SUDS3: variants seen among roughly 807,000 people sequenced by gnomAD.
The protein encoded by SUDS3 is SIN3A corepressor complex component SDS3, also known as sin3 histone deacetylase corepressor complex component SDS3.
SUDS3 carries 23 observed loss-of-function variants against 53.5 expected under a neutral mutation model. The observed-to-expected ratio is 0.43, with a 90% CI of 0.31 to 0.61. SUDS3 has a LOEUF of 0.61. SUDS3 is among the 20% of genes least tolerant of loss of function. SUDS3 has a pLI of 0.10. For synonymous variants in SUDS3, 150 were observed against 148.5 expected, an observed-to-expected ratio of 1.01 and a Z score of -0.08; for missense variants, 291 against 405.9, an observed-to-expected ratio of 0.72 and a Z score of 2.43.
At position 118,376,846 on chromosome 12, in the gene SUDS3, G is replaced by C. The variant is rs758337554; in HGVS notation, c.142+13G>C. On this transcript the variant is annotated intron_variant, in intron 1 of 11. Transcript: ENST00000543473. ...GAGTCGGACGAAGGTGAGTCCTGCC[G>C]CTCGCCCGGCCGCCCGGAGCGGAGG... The C allele has an allele frequency of 1.8e-5, 28 of 1,520,390 alleles. No individual in the cohort carries two copies. The highest frequency in any genetic ancestry group is 4.1e-5 in the Admixed American group (2 of 49,166). The allele number at this position is 1,520,390 out of a possible 1,614,324, so 94.2% of individuals were successfully genotyped here. A position where few individuals can be genotyped will look rare whatever the true frequency, so the allele number is the denominator to read the frequency against.
intron 6 of SUDS3, among the ~76,000 whole-genome samples, 166 bp from the exon 7 acceptor site, chr12:118,400,493 T>A (rs2046254268): frequency 6.6e-6 from 1 of 152,142 alleles, no homozygotes; most frequent in Non-Finnish European, 1.5e-5. Flanking sequence ...TATAAACGCT[T>A]TCTAAAATCT....
intron 2 of SUDS3, among the ~76,000 whole-genome samples, chr12:118,380,595 A>G (rs578071175): frequency 6.6e-6 from 1 of 152,262 alleles, no homozygotes; most frequent in Non-Finnish European, 1.5e-5. Flanking sequence ...AATTACATTT[A>G]ATCAGTCTTC....
chr12:118,377,604 C>G (rs523011), intron 1 of SUDS3, among the ~76,000 whole-genome samples: 62,810 of 150,630 alleles, frequency 0.42, 13,804 homozygotes, highest in Admixed American at 0.48. Context: ...GCTCTTTGCA[C>G]TGTCATCACA....
chr12:118,388,118 T>C (rs1003980225), intron 4 of SUDS3, among the ~76,000 whole-genome samples: 2 of 152,246 alleles, frequency 1.3e-5, no homozygotes, highest in Admixed American at 1.3e-4. Context: ...GAAGCTGTTA[T>C]AGGAATGATC....
chr12:118,409,429 G>A (rs1414039911), intron 10 of SUDS3, among the ~76,000 whole-genome samples: 1 of 152,232 alleles, frequency 6.6e-6, no homozygotes, highest in East Asian at 1.9e-4. Context: ...ACAGGCGTGA[G>A]CCACCACGCC....
At chr12:118,391,354 T>G (rs2046166592) in intron 6 of SUDS3, 72 bp downstream of exon 6, 1 of 1,510,204 alleles carries the variant, frequency 6.6e-7, no homozygotes, top group Non-Finnish European at 8.9e-7. Flanking sequence ...TCCAGTTACT[T>G]TTGTCTTACA....
intron 2 of SUDS3, among the ~76,000 whole-genome samples, chr12:118,383,750 C>T (rs1459653408): frequency 3.3e-5 from 5 of 152,172 alleles, no homozygotes; most frequent in African/African-American, 7.2e-5. Flanking sequence ...AAGTTTTAGA[C>T]GGATTCTGTA....
At chr12:118,395,890 A>G (rs1233157030) in intron 6 of SUDS3, among the ~76,000 whole-genome samples, 2 of 151,780 alleles carry the variant, frequency 1.3e-5, no homozygotes, top group African/African-American at 4.8e-5. Flanking sequence ...ACGGGGTTTC[A>G]CCTTGTTGGC....
intron 10 of SUDS3, among the ~76,000 whole-genome samples, chr12:118,405,919 G>A (rs2046304830): frequency 6.6e-6 from 1 of 152,184 alleles, no homozygotes; most frequent in African/African-American, 2.4e-5. Context: ...TTTTGGTGCA[G>A]CCGTATTTTT....
At chr12:118,395,728 GT>G (rs1202696564) in intron 6 of SUDS3, among the ~76,000 whole-genome samples, 1 of 152,032 alleles carries the variant, frequency 6.6e-6, no homozygotes, top group African/African-American at 2.4e-5. Context: ...GTCTAGCTCT[GT>G]CACCCAGGCT....
chr12:118,387,091 A>C (rs1453649010), intron 4 of SUDS3, among the ~76,000 whole-genome samples: 1 of 152,166 alleles, frequency 6.6e-6, no homozygotes, highest in Non-Finnish European at 1.5e-5. Flanking sequence ...CCTCAGTGAG[A>C]AGCTGCCCAG....
At chr12:118,387,942 A>T (rs983491246) in intron 4 of SUDS3, among the ~76,000 whole-genome samples, 3 of 152,224 alleles carry the variant, frequency 2.0e-5, no homozygotes, top group Admixed American at 6.5e-5. Context: ...TAAAAAGCAC[A>T]TTCTTTTCAG....
intron 2 of SUDS3, among the ~76,000 whole-genome samples, chr12:118,380,670 G>A (rs2046049225): frequency 6.6e-6 from 1 of 152,176 alleles, no homozygotes; most frequent in Non-Finnish European, 1.5e-5. Context: ...CCAGGGGAGG[G>A]AATGAGGCCG....
chr12:118,403,617 A>T, intron 10 of SUDS3, 100 bp downstream of exon 10: 1 of 902,498 alleles, frequency 1.1e-6, no homozygotes, highest in Non-Finnish European at 1.8e-6. Flanking sequence ...GCTGCTGCTA[A>T]ACTTACATAG....
In SUDS3 at chr12:118,410,584, A is replaced by T. The variant is rs201420340; in HGVS notation, c.804-489A>T. 7.1e-3 allele frequency among the ~76,000 whole-genome samples: 969 copies of T among 135,548 alleles called. 8 individuals are homozygous for T. Among genetic ancestry groups the T allele is most frequent in the African/African-American group, 0.026 (862 of 33,426 alleles). The allele number at this position is 135,548 out of a possible 152,430, so 88.9% of individuals were successfully genotyped here. ...ATTTATTTATTTATTTATTTATTTT[A>T]TTTATTTATTTATTTATTTATTTAT... On this transcript the variant is annotated intron_variant, in intron 10 of 11. Transcript: ENST00000543473.
chr12:118,415,632 C>G lies in SUDS3; in HGVS notation c.*1199C>G, dbSNP rs1017064886. 6.6e-6 allele frequency: 1 copy of G among 152,152 alleles called. No homozygotes were observed. The highest frequency in any genetic ancestry group is 1.9e-4 in the East Asian group (1 of 5,176). 9.4% of individuals were successfully genotyped at this position (152,152 alleles called of 1,614,324 possible). ...ACTCATGTTGCCATCTTGAGATGTT[C>G]AAAAAATTTGGGGTTAGAGCAACTG... On this transcript the variant is annotated 3_prime_UTR_variant, in exon 12 of 12. Coordinates refer to ENST00000543473, the MANE Select transcript of SUDS3 (RefSeq NM_022491.3).
intron 1 of SUDS3, among the ~76,000 whole-genome samples, chr12:118,378,058 A>G (rs989307482): frequency 4.6e-5 from 7 of 152,236 alleles, no homozygotes; most frequent in African/African-American, 1.7e-4. Flanking sequence ...AATGTGAAGC[A>G]CTTGCACTTC....
chr12:118,403,470 G>A lies in SUDS3; in HGVS notation c.756G>A (p.Arg252=), dbSNP rs755540265. The change falls in exon 10 of 12, where the codon AGG becomes AGA. Residue 252 remains arginine (R), a synonymous_variant. Coordinates refer to ENST00000543473, the MANE Select transcript of SUDS3 (RefSeq NM_022491.3). The part of the protein sequence containing the change: ...PATPAESPAQ[R]FEARIEDGKL... ...CACCCGCGGAATCTCCAGCCCAGAG[G>A]TTCGAAGCTCGGATAGAAGATGGCA... The A allele has an allele frequency of 6.2e-7, 1 of 1,613,740 alleles. No individual in the cohort carries two copies. Among genetic ancestry groups the A allele is most frequent in the South Asian group, 1.1e-5 (1 of 90,954 alleles).
intron 6 of SUDS3, among the ~76,000 whole-genome samples, chr12:118,393,867 C>T (rs927937760): frequency 6.6e-6 from 1 of 151,856 alleles, no homozygotes; most frequent in African/African-American, 2.4e-5. Flanking sequence ...GACAGGGTTT[C>T]ATCATGTTTG....
Sources: gnomAD v4.1 joint callset for allele counts (sites outside exome capture counted in the v4.1 genomes callset) on GRCh38, gnomAD v4.1.1 for gene constraint, MANE v1.5 for transcripts, NCBI Gene and HGNC (gene_info 2026-07-23, HGNC 2026-07-21) for gene names.